PLAA: variants seen among roughly 807,000 people sequenced by gnomAD.
PLAA encodes the protein phospholipase A-2-activating protein.
Under a neutral mutation model 84.1 loss-of-function variants are expected in PLAA, and 48 were observed. The observed-to-expected ratio is 0.57, with a 90% confidence interval of 0.45 to 0.73. The LOEUF is 0.73. Among genes scored for constraint, PLAA ranks in the 30% least tolerant of loss-of-function variants. The pLI is 0.00. For synonymous variants in PLAA, 392 were observed against 336.6 expected, an observed-to-expected ratio of 1.16 and a Z score of -1.80; for missense variants, 903 against 954.7, an observed-to-expected ratio of 0.95 and a Z score of 0.71.
At chr9:26,933,491 A>C (rs1825250703) in intron 2 of PLAA, among the ~76,000 whole-genome samples, 1 of 151,818 alleles carries the variant, frequency 6.6e-6, no homozygotes, top group Admixed American at 6.6e-5. Context: ...ATTTAAAATA[A>C]AAAATTATTT....
At position 26,928,127 on chromosome 9, in the gene PLAA, C is replaced by A; in HGVS notation, c.538G>T (p.Ala180Ser). The change falls in exon 4 of 14, where the codon GCT becomes TCT. Residue 180 changes from alanine to serine, a missense_variant. Physicochemically the swap from Ala to Ser is moderately conservative, Grantham distance 99. Coordinates refer to ENST00000397292, the MANE Select transcript of PLAA (RefSeq NM_001031689.3). ...SADKTVKLWK[A>S]GRCERTFSGH... Reference sequence around the variant, plus strand: ...GAAAAAGTCCTCTCACATCTTCCAGCCTTCCACAGTTTAACAGTCTTGTCT... The same window carrying A: ...GAAAAAGTCCTCTCACATCTTCCAGACTTCCACAGTTTAACAGTCTTGTCT... 2 of 1,614,148 alleles carry A rather than the reference C, an allele frequency of 1.2e-6. No homozygotes were observed. Among genetic ancestry groups the A allele is most frequent in the South Asian group, 1.1e-5 (1 of 91,060 alleles).
chr9:26,909,195 AT>A (rs1824325711), intron 12 of PLAA, among the ~76,000 whole-genome samples: 1 of 152,198 alleles, frequency 6.6e-6, no homozygotes, highest in Non-Finnish European at 1.5e-5. Context: ...AATTTACACC[AT>A]TGAAATCAAT....
chr9:26,913,775 A>C (rs1409849165), intron 11 of PLAA, 104 bp downstream of exon 11: 1 of 767,644 alleles, frequency 1.3e-6, no homozygotes, highest in African/African-American at 1.8e-5. Context: ...CTATATAAAA[A>C]GTTCTCAAGC....
At chr9:26,931,737 A>G (rs917580681) in intron 2 of PLAA, among the ~76,000 whole-genome samples, 2 of 152,158 alleles carry the variant, frequency 1.3e-5, no homozygotes, top group Non-Finnish European at 2.9e-5. Context: ...AAAAGAAAGA[A>G]ACTGACAGAT....
At chr9:26,944,349 G>T (rs1323595601) in intron 1 of PLAA, among the ~76,000 whole-genome samples, 3 of 152,126 alleles carry the variant, frequency 2.0e-5, no homozygotes, top group Admixed American at 2.0e-4. Context: ...CAACACAAAA[G>T]AGAAGACATG....
intron 10 of PLAA, among the ~76,000 whole-genome samples, chr9:26,915,107 G>A (rs1265543185): frequency 2.6e-5 from 4 of 152,042 alleles, no homozygotes; most frequent in African/African-American, 2.4e-5. Context: ...GGCTACTCGG[G>A]AGGCTGAGGC....
intron 13 of PLAA, 59 bp from the exon 14 acceptor site, chr9:26,906,135 T>C (rs995093045): frequency 8.7e-7 from 1 of 1,150,958 alleles, no homozygotes; most frequent in African/African-American, 1.6e-5. Flanking sequence ...CTTTTGACTA[T>C]CGACTTTGAA....
intron 1 of PLAA, among the ~76,000 whole-genome samples, chr9:26,938,741 T>C (rs539548816): frequency 8.8e-4 from 134 of 152,278 alleles, no homozygotes; most frequent in African/African-American, 2.9e-3. Flanking sequence ...TACCTTTTGA[T>C]TTCTATGTCA....
At chr9:26,941,659 T>A (rs1475399865) in intron 1 of PLAA, among the ~76,000 whole-genome samples, 2 of 152,054 alleles carry the variant, frequency 1.3e-5, no homozygotes, top group African/African-American at 2.4e-5. Context: ...AACATTTTTT[T>A]AAATTGTCAT....
chr9:26,905,543 C>T lies in PLAA; in HGVS notation c.2356G>A (p.Glu786Lys). The T allele has an allele frequency of 6.2e-7, 1 of 1,612,758 alleles. No individual in the cohort carries two copies. Among genetic ancestry groups the T allele is most frequent in the East Asian group, 2.2e-5 (1 of 44,870 alleles). The stretch of plus-strand genomic sequence containing the variant: ...AAATTTAGGATAAATCTACAGCATT[C>T]ACTTACTTTAGCTGGTTCTGATACT... Reference protein sequence around the residue: ...SSVSEPAKVSECCRFILNLL With the variant: ...SSVSEPAKVSKCCRFILNLL Residue 786 changes from glutamate to lysine, a missense_variant, in exon 14 of 14, where the codon GAA (glutamate) becomes AAA (lysine). Glu to Lys is a moderately conservative substitution (Grantham distance 56). Transcript: ENST00000397292.
chr9:26,919,283 T>C, intron 9 of PLAA, 27 bp downstream of exon 9: 2 of 1,435,138 alleles, frequency 1.4e-6, no homozygotes, highest in Non-Finnish European at 1.9e-6. Flanking sequence ...TGGAACTACA[T>C]AAGACTCAAT....
rs761977522 is a variant in PLAA at position 26,919,545 on chromosome 9, A to G, written c.1198-16T>C. The stretch of plus-strand genomic sequence containing the variant: ...AATCAAATTCCTAAAGTAGGAATAT[A>G]AAAAGGAGATACATGCTTATTATCT... On this transcript the variant is annotated splice_polypyrimidine_tract_variant and intron_variant, in intron 8 of 13. Coordinates refer to ENST00000397292, the MANE Select transcript of PLAA (RefSeq NM_001031689.3). 3 of 1,344,208 alleles carry G rather than the reference A, an allele frequency of 2.2e-6. No individual in the cohort carries two copies. The highest frequency in any genetic ancestry group is 4.6e-5 in the East Asian group (2 of 43,456). The allele number at this position is 1,344,208 out of a possible 1,614,324, so 83.3% of individuals were successfully genotyped here. A position where few individuals can be genotyped will look rare whatever the true frequency, so the allele number is the denominator to read the frequency against.
In PLAA at chr9:26,903,447, A is replaced by G. The variant is rs1285327068; in HGVS notation, c.*2064T>C. ...TTTAAAAATCAGGTTATCAAAGAGTATGTATGATACAACGCTTTTTTAATA... is the reference window on the plus strand; with the variant it reads ...TTTAAAAATCAGGTTATCAAAGAGTGTGTATGATACAACGCTTTTTTAATA... On this transcript the variant is annotated 3_prime_UTR_variant, in exon 14 of 14. Coordinates refer to ENST00000397292, the MANE Select transcript of PLAA (RefSeq NM_001031689.3). 6.6e-6 allele frequency among the ~76,000 whole-genome samples: 1 copy of G among 152,240 alleles called. No individual in the cohort carries two copies. The highest frequency in any genetic ancestry group is 1.5e-5 in the Non-Finnish European group (1 of 68,030).
chr9:26,939,547 GCAT>G (rs1445304526), intron 1 of PLAA, among the ~76,000 whole-genome samples: 1 of 145,124 alleles, frequency 6.9e-6, no homozygotes, highest in Non-Finnish European at 1.5e-5. Context: ...CAGCAAAATG[GCAT>G]CGGTGATTAC....
chr9:26,944,076 A>G (rs1380972075), intron 1 of PLAA, among the ~76,000 whole-genome samples: 1 of 152,196 alleles, frequency 6.6e-6, no homozygotes, highest in Non-Finnish European at 1.5e-5. Context: ...AGGTGATTAG[A>G]TCAAGAGGGT....
chr9:26,942,553 T>A (rs567448276), intron 1 of PLAA, among the ~76,000 whole-genome samples: 2 of 151,804 alleles, frequency 1.3e-5, no homozygotes, highest in South Asian at 2.1e-4. Flanking sequence ...TGAGGAAGAG[T>A]TATCATAGAT....
rs1009835737 is a variant in PLAA, at chr9:26,913,773, A to G, written c.1555+106T>C. On this transcript the variant is annotated intron_variant, in intron 11 of 13. Transcript: ENST00000397292. ...AGTTTGGTCTCGATTTACTATATAA[A>G]AAGTTCTCAAGCAAGAAAATGACAC... 3 of 760,088 alleles carry G rather than the reference A, an allele frequency of 3.9e-6. No individual in the cohort carries two copies. The Admixed American group carries it at 8.1e-5, about 21-fold the overall frequency. The allele number at this position is 760,088 out of a possible 1,614,324, so 47.1% of individuals were successfully genotyped here.
chr9:26,920,328 G>C lies in PLAA; in HGVS notation c.1096C>G (p.Gln366Glu). 6.2e-7 allele frequency: 1 copy of C among 1,613,292 alleles called. No individual in the cohort carries two copies. The highest frequency in any genetic ancestry group is 8.5e-7 in the Non-Finnish European group (1 of 1,179,328). The change falls in exon 8 of 14, where the codon CAG (glutamine) becomes GAG (glutamate). Residue 366 changes from glutamine (Q) to glutamate (E), a missense_variant. Coordinates refer to ENST00000397292, the MANE Select transcript of PLAA (RefSeq NM_001031689.3). ...CACCTCCCTTCACTAACACTCCACT[G>C]ATAGGCTTCGACTTTCTCCCCATCT... The part of the protein sequence containing the change: ...IRDGEKVEAY[Q>E]WSVSEGRWIK...
At chr9:26,912,593 C>A (rs1047759955) in intron 11 of PLAA, among the ~76,000 whole-genome samples, 2 of 152,106 alleles carry the variant, frequency 1.3e-5, no homozygotes, top group Non-Finnish European at 2.9e-5. Context: ...TAAAAACTAA[C>A]TTCTGGAAAA....
Sources: gnomAD v4.1 joint callset for allele counts (sites outside exome capture counted in the v4.1 genomes callset) on GRCh38, gnomAD v4.1.1 for gene constraint, MANE v1.5 for transcripts, NCBI Gene and HGNC (gene_info 2026-07-23, HGNC 2026-07-21) for gene names.